The following ZNF385D variants were observed in gnomAD, a reference collection of about 807,000 sequenced individuals.
The protein encoded by ZNF385D is zinc finger protein 385D.
ZNF385D carries 15 observed loss-of-function variants against 35.8 expected under a neutral mutation model. That is an observed-to-expected ratio of 0.42 (90% CI 0.28 to 0.64). The LOEUF is 0.64. ZNF385D is among the 30% of genes least tolerant of loss of function. ZNF385D has a pLI of 0.23. For missense variants in ZNF385D, 474 were observed against 494.6 expected (o/e 0.96, Z 0.39); for synonymous variants, 212 against 186.8 (o/e 1.13, Z -1.10).
chr3:22,061,296 G>A (rs894028135), intron 3 of ZNF385D, among the ~76,000 whole-genome samples: 1 of 151,978 alleles, frequency 6.6e-6, no homozygotes, highest in Non-Finnish European at 1.5e-5. Flanking sequence ...AATCCTTTGG[G>A]TTTATTCCTT....
chr3:22,256,236 CATATATAT>C (rs141839193), intron 2 of ZNF385D, among the ~76,000 whole-genome samples: 22 of 145,420 alleles, frequency 1.5e-4, no homozygotes, highest in African/African-American at 4.7e-4. Flanking sequence ...TATACACATA[CATATATAT>C]ATATATATAT....
chr3:21,548,436 T>G (rs2062455544), intron 3 of ZNF385D, among the ~76,000 whole-genome samples: 1 of 152,228 alleles, frequency 6.6e-6, no homozygotes, highest in African/African-American at 2.4e-5. Context: ...TTAGTTTGTT[T>G]AATTGGAAAT....
chr3:22,195,503 A>G (rs114124923), intron 2 of ZNF385D, among the ~76,000 whole-genome samples: 2,439 of 152,010 alleles, frequency 0.016, 46 homozygotes, highest in African/African-American at 0.048. Context: ...CTTTTTCCTG[A>G]TCCAGTTCAT....
At chr3:22,036,122 C>CAGT (rs1698300485) in intron 3 of ZNF385D, among the ~76,000 whole-genome samples, 1 of 151,944 alleles carries the variant, frequency 6.6e-6, no homozygotes, top group Non-Finnish European at 1.5e-5. Flanking sequence ...CAACGATGTA[C>CAGT]AGTAGTTAGA....
intron 3 of ZNF385D, among the ~76,000 whole-genome samples, chr3:21,883,193 T>C (rs376921773): frequency 3.3e-5 from 5 of 151,936 alleles, no homozygotes; most frequent in African/African-American, 1.2e-4. Context: ...TGTCTTCTCA[T>C]CAAGAGCTCA....
At chr3:22,194,857 T>C (rs1281729814) in intron 2 of ZNF385D, among the ~76,000 whole-genome samples, 1 of 151,922 alleles carries the variant, frequency 6.6e-6, no homozygotes, top group Non-Finnish European at 1.5e-5. Flanking sequence ...AATTTCTCCA[T>C]AGTATGAAGA....
rs116462175 is a variant in ZNF385D, at chr3:22,288,324, T to C, written c.106+84126A>G. Among the ~76,000 whole-genome samples the C allele has an allele frequency of 4.4e-3, 672 of 152,192 alleles. 6 individuals are homozygous for C. Among genetic ancestry groups the C allele is most frequent in the African/African-American group, 0.016 (650 of 41,554 alleles). On this transcript the variant is annotated intron_variant, in intron 2 of 5. Coordinates refer to the ZNF385D transcript ENST00000494108. ...GGCAAGTATTATGCCATTATTTATT[T>C]GAGTATATTTTTGGTCTTTTCTTGA...
At chr3:21,480,006 T>A (rs1048005421) in intron 4 of ZNF385D, among the ~76,000 whole-genome samples, 1 of 152,130 alleles carries the variant, frequency 6.6e-6, no homozygotes, top group East Asian at 1.9e-4. Context: ...CACTTTACAT[T>A]AGTATCATTT....
chr3:21,982,796 G>C (rs977845799), intron 3 of ZNF385D, among the ~76,000 whole-genome samples: 1 of 142,882 alleles, frequency 7.0e-6, no homozygotes, highest in Admixed American at 6.9e-5. Flanking sequence ...AACATGAAGG[G>C]CTGTTGAATT....
At chr3:21,849,591 T>A (rs990601845) in intron 3 of ZNF385D, 1 of 148,628 alleles carries the variant, frequency 6.7e-6, no homozygotes, top group Non-Finnish European at 1.5e-5. Context: ...CCAAACTGTA[T>A]GTGAAACCCA....
At chr3:21,544,607 CA>C (rs1012723265) in intron 3 of ZNF385D, among the ~76,000 whole-genome samples, 2 of 151,314 alleles carry the variant, frequency 1.3e-5, no homozygotes, top group South Asian at 4.2e-4. Flanking sequence ...TGACTGAATT[CA>C]AAAAAAGGTA....
chr3:22,350,721 C>G (rs1027507798), intron 2 of ZNF385D, among the ~76,000 whole-genome samples: 4 of 151,916 alleles, frequency 2.6e-5, no homozygotes, highest in African/African-American at 9.7e-5. Flanking sequence ...TTATAACTTC[C>G]TTTCTAGAAT....
chr3:21,757,977 T>C (rs1270525778), intron 3 of ZNF385D, among the ~76,000 whole-genome samples: 1 of 152,238 alleles, frequency 6.6e-6, no homozygotes, highest in African/African-American at 2.4e-5. Flanking sequence ...CTACTGTTCC[T>C]ACTGAGAATA....
At chr3:22,271,733 C>T (rs1319337446) in intron 2 of ZNF385D, among the ~76,000 whole-genome samples, 1 of 151,876 alleles carries the variant, frequency 6.6e-6, no homozygotes. Flanking sequence ...TTTCAGATGT[C>T]CGATCCTCCG....
chr3:22,033,177 C>T (rs571353080), intron 3 of ZNF385D, among the ~76,000 whole-genome samples: 150 of 151,934 alleles, frequency 9.9e-4, no homozygotes, highest in African/African-American at 3.6e-3. Flanking sequence ...TGAGGCAGGT[C>T]GATAGCTTGA....
intron 3 of ZNF385D, among the ~76,000 whole-genome samples, chr3:22,090,527 G>C (rs930530023): frequency 5.3e-5 from 8 of 152,012 alleles, no homozygotes; most frequent in Admixed American, 2.0e-4. Context: ...TAAGCTCTCA[G>C]TTCAATTCAC....
At position 21,414,218 on chromosome 3, in the gene ZNF385D, CAAAA is replaced by C. The variant is rs367724582; in HGVS notation, c.*6992_*6995del. 2.1e-5 allele frequency: 1 copy of C among 47,974 alleles called. No individual in the cohort carries two copies. Among genetic ancestry groups the C allele is most frequent in the African/African-American group, 5.1e-5 (1 of 19,602 alleles). The allele number at this position is 47,974 out of a possible 1,614,324, so 3.0% of individuals were successfully genotyped here. On this transcript the variant is annotated 3_prime_UTR_variant, in exon 8 of 8. Transcript: ENST00000281523. ...CAAAACAAAACAAAACAAAACAAAA[CAAAA>C]AAAAGTTCAGTTAGGAGACCTTAGT... is the stretch of plus-strand genomic sequence containing the variant.
intron 1 of ZNF385D, among the ~76,000 whole-genome samples, chr3:21,735,015 C>T (rs910734025): frequency 9.9e-5 from 15 of 152,054 alleles, no homozygotes; most frequent in African/African-American, 3.6e-4. Context: ...CCCTTTTATC[C>T]CCACAGCTAT....
chr3:21,914,510 A>G (rs1700107912), intron 3 of ZNF385D, among the ~76,000 whole-genome samples: 1 of 151,888 alleles, frequency 6.6e-6, no homozygotes. Context: ...ACTCATTCAC[A>G]TACCTCATTA....
Sources: gnomAD v4.1 joint callset for allele counts (sites outside exome capture counted in the v4.1 genomes callset) on GRCh38, gnomAD v4.1.1 for gene constraint, MANE v1.5 for transcripts, NCBI Gene and HGNC (gene_info 2026-07-23, HGNC 2026-07-21) for gene names.